PPP2R3B: variants seen among roughly 807,000 people sequenced by gnomAD.
The protein encoded by PPP2R3B is protein phosphatase 2 regulatory subunit B''beta, also known as serine/threonine-protein phosphatase 2A regulatory subunit B'' subunit beta.
PPP2R3B carries 68 observed loss-of-function variants against 72.9 expected under a neutral mutation model. The ratio of observed to expected loss-of-function variants is 0.93; its 90% CI spans 0.77 to 1.14. PPP2R3B has a LOEUF of 1.14. PPP2R3B is among the 50% of genes most tolerant of loss of function. PPP2R3B has a pLI of 0.00. For synonymous variants in PPP2R3B, 466 were observed against 375.8 expected, an observed-to-expected ratio of 1.24 and a Z score of -2.78; for missense variants, 1,018 against 842.0, an observed-to-expected ratio of 1.21 and a Z score of -2.59.
intron 1 of PPP2R3B, among the ~76,000 whole-genome samples, chrX:363,876 C>G (rs996293241): frequency 1.3e-5 from 2 of 152,256 alleles, no homozygotes; most frequent in African/African-American, 2.4e-5. Context: ...CTCTCGGGCT[C>G]CTGTGTTTGG....
rs186079142 is a variant in PPP2R3B at position 347,397 on chromosome X, C to T, written c.615-61G>A. ...GGGGGGTGGCTTTCGACCCCGCAGA[C>T]GCAGGGTGGAACACGTGTGTGGTGT... On this transcript the variant is annotated intron_variant, in intron 3 of 12. Coordinates refer to ENST00000390665, the MANE Select transcript of PPP2R3B (RefSeq NM_013239.5). 3.6e-3 allele frequency: 5,357 copies of T among 1,489,892 alleles called. 173 individuals carry two copies. In the African/African-American group the frequency reaches 0.063, roughly 18 times the overall value. 92.3% of individuals were successfully genotyped at this position (1,489,892 alleles called of 1,614,324 possible).
rs939775248 is a variant in PPP2R3B at position 346,853 on chromosome X, G to A, written c.718-78C>T. ...GGTGTGCGGTGTGGACGCTGCAGAC[G>A]CGGACCCTCCCGTGAGCGATGAGGT... On this transcript the variant is annotated intron_variant, in intron 4 of 12. Coordinates refer to ENST00000390665, the MANE Select transcript of PPP2R3B (RefSeq NM_013239.5). The A allele has an allele frequency of 1.1e-4, 142 of 1,338,108 alleles. No individual in the cohort carries two copies. In the Admixed American group the frequency reaches 1.6e-3, roughly 15 times the overall value. 82.9% of individuals were successfully genotyped at this position (1,338,108 alleles called of 1,614,324 possible).
intron 8 of PPP2R3B, 91 bp from the exon 9 acceptor site, chrX:341,487 G>T: frequency 7.5e-7 from 1 of 1,341,332 alleles, no homozygotes; most frequent in Non-Finnish European, 1.1e-6. Context: ...TCGGTGAGGG[G>T]AGCCCCCCGG....
chrX:362,001 G>A (rs1201907624), intron 1 of PPP2R3B, among the ~76,000 whole-genome samples: 2 of 152,182 alleles, frequency 1.3e-5, no homozygotes, highest in Non-Finnish European at 2.9e-5. Context: ...CCAGACGCCT[G>A]AGAGCTCAGA....
intron 1 of PPP2R3B, among the ~76,000 whole-genome samples, chrX:385,889 T>G (rs2072236651): frequency 1.3e-5 from 2 of 152,124 alleles, no homozygotes; most frequent in Non-Finnish European, 2.9e-5. Context: ...GAGACCAGCC[T>G]GGCCCACATG....
chrX:379,293 CTG>C (rs1471029233), intron 1 of PPP2R3B, among the ~76,000 whole-genome samples: 2 of 143,776 alleles, frequency 1.4e-5, no homozygotes, highest in Non-Finnish European at 3.0e-5. Flanking sequence ...GTGTATGTAT[CTG>C]TGTGTATGGA....
intron 2 of PPP2R3B, among the ~76,000 whole-genome samples, chrX:349,065 C>T (rs1420573874): frequency 6.6e-6 from 1 of 152,084 alleles, no homozygotes; most frequent in African/African-American, 2.4e-5. Context: ...GACCAGGAAA[C>T]CAGAATCAGG....
chrX:375,604 G>A (rs1338767192), intron 1 of PPP2R3B, among the ~76,000 whole-genome samples: 17 of 152,166 alleles, frequency 1.1e-4, no homozygotes, highest in Non-Finnish European at 1.5e-4. Flanking sequence ...CCACGATGTG[G>A]GGCGCAAACT....
Position 386,617 on chromosome X carries a change from C to A in PPP2R3B, c.75G>T (p.Glu25Asp), listed in dbSNP as rs1481734297. 1.4e-6 allele frequency: 2 copies of A among 1,448,626 alleles called. No individual in the cohort carries two copies. The highest frequency in any genetic ancestry group is 1.8e-6 in the Non-Finnish European group (2 of 1,101,782). The allele number at this position is 1,448,626 out of a possible 1,614,324, so 89.7% of individuals were successfully genotyped here. Reference sequence around the variant, plus strand: ...CCTGCAGCATCCGCTGCGTGCTGGCCTCGCTGAGCCAGTACAGGAACAGCT... The same window carrying A: ...CCTGCAGCATCCGCTGCGTGCTGGCATCGCTGAGCCAGTACAGGAACAGCT... ...VDELFLYWLS[E>D]ASTQRMLQDC... The change falls in exon 1 of 13, where the codon GAG becomes GAT. Residue 25 changes from glutamate to aspartate, a missense_variant. Glu to Asp is a conservative substitution (Grantham distance 45). Coordinates refer to ENST00000390665, the MANE Select transcript of PPP2R3B (RefSeq NM_013239.5).
intron 2 of PPP2R3B, 56 bp downstream of exon 2, chrX:361,349 C>T: frequency 6.3e-7 from 1 of 1,597,948 alleles, no homozygotes; most frequent in South Asian, 1.1e-5. Context: ...TCCGCCTCAC[C>T]CTCACATGCC....
chrX:340,747 G>GCCCGTCTGTC lies in PPP2R3B; in HGVS notation c.1351+17_1351+18insGACAGACGGG, dbSNP rs745388950. ...CGTCCGTCCCCTCACCCTGGGCCAT[G>GCCCGTCTGTC]CCCTCACGGGGCATCACCTTCAGTC... On this transcript the variant is annotated intron_variant, in intron 10 of 12. Transcript: ENST00000390665. 9 of 971,158 alleles carry GCCCGTCTGTC rather than the reference G, an allele frequency of 9.3e-6. No homozygotes were observed. The African/African-American group carries it at 1.2e-4, about 13-fold the overall frequency. The allele number at this position is 971,158 out of a possible 1,614,324, so 60.2% of individuals were successfully genotyped here.
chrX:346,095 G>T, intron 6 of PPP2R3B, 79 bp downstream of exon 6: 1 of 617,460 alleles, frequency 1.6e-6, no homozygotes. Context: ...GAGGGAGGGG[G>T]GAGGAGGGAA....
At chrX:349,116 T>A (rs922906990) in intron 2 of PPP2R3B, among the ~76,000 whole-genome samples, 15 of 152,268 alleles carry the variant, frequency 9.9e-5, no homozygotes, top group African/African-American at 3.1e-4. Context: ...ATGGCCTGAA[T>A]GCCTGGGTCC....
chrX:342,099 C>G (rs1224770582), intron 7 of PPP2R3B, 168 bp from the exon 8 acceptor site: 2 of 738,546 alleles, frequency 2.7e-6, no homozygotes, highest in African/African-American at 3.5e-5. Flanking sequence ...CCTAGGGGCC[C>G]ACCACGCTTT....
At chrX:383,071 CCT>C (rs1361083187) in intron 1 of PPP2R3B, among the ~76,000 whole-genome samples, 5 of 152,278 alleles carry the variant, frequency 3.3e-5, no homozygotes, top group South Asian at 2.1e-4. Context: ...GTCCTGGGGC[CCT>C]GAGTCCCCTC....
chrX:352,654 C>T (rs943262605), intron 2 of PPP2R3B, among the ~76,000 whole-genome samples: 3 of 150,394 alleles, frequency 2.0e-5, no homozygotes, highest in East Asian at 2.0e-4. Context: ...CCAAGGCCCA[C>T]GTGATGGTGC....
At chrX:336,147 G>A (rs2070883255) in intron 12 of PPP2R3B, 1 of 152,198 alleles carries the variant, frequency 6.6e-6, no homozygotes, top group South Asian at 2.1e-4. Flanking sequence ...CAGCCTGCGT[G>A]ACACAGCCAG....
chrX:360,716 G>C (rs1273110782), intron 2 of PPP2R3B, among the ~76,000 whole-genome samples: 1 of 152,206 alleles, frequency 6.6e-6, no homozygotes, highest in Non-Finnish European at 1.5e-5. Flanking sequence ...ACTCCACCTG[G>C]AGGGTAGGAG....
intron 12 of PPP2R3B, 115 bp from the exon 13 acceptor site, chrX:334,632 G>A: frequency 8.2e-7 from 1 of 1,221,552 alleles, no homozygotes; most frequent in Non-Finnish European, 1.1e-6. Context: ...AGTCCCCTGA[G>A]CCGACCTTGA....
Sources: allele counts gnomAD v4.1 joint callset (sites outside exome capture counted in the v4.1 genomes callset), GRCh38; gene constraint gnomAD v4.1.1; transcripts MANE v1.5; gene names NCBI Gene and HGNC (gene_info 2026-07-23, HGNC 2026-07-21).